NPAS1: variants seen among roughly 807,000 people sequenced by gnomAD.
The protein encoded by NPAS1 is neuronal PAS domain protein 1, also known as neuronal PAS domain-containing protein 1.
A neutral mutation model predicts 49.2 loss-of-function variants in NPAS1; 29 were observed. The ratio of observed to expected loss-of-function variants is 0.59; its 90% CI spans 0.44 to 0.80. The LOEUF (loss-of-function observed/expected upper bound fraction) is 0.80, where lower values mean the gene tolerates loss of function less well. Ranked by LOEUF, NPAS1 falls within the 30% of genes least tolerant of loss-of-function variation. NPAS1 has a pLI of 0.00. For missense variants in NPAS1, 825 were observed against 835.5 expected, an observed-to-expected ratio of 0.99 and a Z score of 0.15; for synonymous variants, 408 against 380.4, an observed-to-expected ratio of 1.07 and a Z score of -0.84.
intron 5 of NPAS1, among the ~76,000 whole-genome samples, chr19:47,034,945 G>T (rs1366631778): frequency 6.6e-6 from 1 of 151,920 alleles, no homozygotes; most frequent in African/African-American, 2.4e-5. Context: ...ACTTTGGGAG[G>T]CTGAGGCGGG....
chr19:47,044,652 T>C (rs2122565551), intron 11 of NPAS1, among the ~76,000 whole-genome samples: 1 of 152,316 alleles, frequency 6.6e-6, no homozygotes, highest in African/African-American at 2.4e-5. Context: ...ATCCCTGGCC[T>C]CTACCCTCTA....
intron 3 of NPAS1, among the ~76,000 whole-genome samples, chr19:47,027,703 C>CT (rs199499423): frequency 0.088 from 1,916 of 21,760 alleles, 719 homozygotes; most frequent in Admixed American, 0.15. Context: ...TGCCCCTGGT[C>CT]CCCTTCTCTC....
intron 6 of NPAS1, among the ~76,000 whole-genome samples, chr19:47,038,367 A>T (rs1241471730): frequency 2.0e-5 from 3 of 151,002 alleles, no homozygotes; most frequent in African/African-American, 7.3e-5. Flanking sequence ...AAATACAAAA[A>T]CTAGCTGGGC....
At chr19:47,040,109 A>G (rs775207714) in intron 8 of NPAS1, among the ~76,000 whole-genome samples, 24 of 151,618 alleles carry the variant, frequency 1.6e-4, no homozygotes, top group South Asian at 1.0e-3. Flanking sequence ...TGCAACCTCC[A>G]CCTCCCGGGT....
chr19:47,034,118 A>G (rs1181865999), intron 5 of NPAS1, among the ~76,000 whole-genome samples: 1 of 151,646 alleles, frequency 6.6e-6, no homozygotes, highest in Non-Finnish European at 1.5e-5. Context: ...CAGCCTGACC[A>G]ACATGGAGAA....
intron 10 of NPAS1, among the ~76,000 whole-genome samples, chr19:47,042,073 C>T (rs1204411268): frequency 6.0e-5 from 9 of 149,572 alleles, no homozygotes; most frequent in East Asian, 2.0e-4. Context: ...TTTGGGAGGC[C>T]GAGGTGGGTG....
Position 47,035,986 on chromosome 19 carries a change from T to C in NPAS1, c.545T>C (p.Val182Ala), listed in dbSNP as rs769466616. Residue 182 changes from valine to alanine, a missense_variant, in exon 6 of 12, where the codon GTC becomes GCC. Val to Ala is a moderately conservative substitution (Grantham distance 64). Transcript: ENST00000602212. ...LSQVEMTGSSVFDYIHPGDHS... is the reference protein window; with the variant it reads ...LSQVEMTGSSAFDYIHPGDHS... ...CAGGTGGAGATGACGGGCAGCAGCG[T>C]CTTCGACTACATTCACCCTGGGGAC... 2 of 1,539,136 alleles carry C rather than the reference T, an allele frequency of 1.3e-6. No individual in the cohort carries two copies. The highest frequency in any genetic ancestry group is 2.3e-5 in the East Asian group (1 of 43,660).
chr19:47,030,636 C>CTTTTTTTT (rs55931402), intron 3 of NPAS1, among the ~76,000 whole-genome samples: 3 of 96,794 alleles, frequency 3.1e-5, no homozygotes, highest in Non-Finnish European at 6.0e-5. Context: ...GGCCCTTTGC[C>CTTTTTTTT]TTTTTTTTTT....
At chr19:47,026,320 G>T (rs1037353493) in intron 3 of NPAS1, among the ~76,000 whole-genome samples, 1 of 152,236 alleles carries the variant, frequency 6.6e-6, no homozygotes, top group African/African-American at 2.4e-5. Flanking sequence ...ACTCAGCAGA[G>T]GGAACAGCAG....
At chr19:47,028,430 G>A (rs1033459899) in intron 3 of NPAS1, among the ~76,000 whole-genome samples, 5 of 152,084 alleles carry the variant, frequency 3.3e-5, no homozygotes, top group Admixed American at 2.0e-4. Flanking sequence ...CGGGGGCTGC[G>A]CGCCCATGGG....
At chr19:47,035,817 TTTTTG>T (rs751632502) in intron 5 of NPAS1, 142 bp from the exon 6 acceptor site, 16 of 763,484 alleles carry the variant, frequency 2.1e-5, no homozygotes, top group Non-Finnish European at 2.0e-6. Flanking sequence ...AGGTAATTGT[TTTTTG>T]TTTTTTTCTT....
chr19:47,033,824 T>C (rs1473402055), intron 5 of NPAS1, among the ~76,000 whole-genome samples: 1 of 129,852 alleles, frequency 7.7e-6, no homozygotes, highest in Admixed American at 8.0e-5. Flanking sequence ...CAAAAAAACT[T>C]AAAAATTAGC....
intron 3 of NPAS1, among the ~76,000 whole-genome samples, chr19:47,027,890 G>A (rs977537012): frequency 7.9e-5 from 12 of 152,170 alleles, no homozygotes; most frequent in Non-Finnish European, 1.5e-4. Flanking sequence ...TGCTGAATGT[G>A]GGGGACAGAG....
chr19:47,040,865 C>T, intron 9 of NPAS1, 113 bp from the exon 10 acceptor site: 2 of 883,504 alleles, frequency 2.3e-6, no homozygotes, highest in Non-Finnish European at 3.3e-6. Flanking sequence ...CCCACCGTCT[C>T]CCTGCCCACT....
At chr19:47,032,085 G>A (rs1047661963) in intron 3 of NPAS1, among the ~76,000 whole-genome samples, 193 bp from the exon 4 acceptor site, 25 of 152,126 alleles carry the variant, frequency 1.6e-4, no homozygotes, top group African/African-American at 6.0e-4. Flanking sequence ...GTCTCTGTGA[G>A]TCAGTCTGTC....
At chr19:47,030,851 G>T (rs1172268620) in intron 3 of NPAS1, among the ~76,000 whole-genome samples, 1 of 151,870 alleles carries the variant, frequency 6.6e-6, no homozygotes, top group Non-Finnish European at 1.5e-5. Context: ...CATAATGTTG[G>T]CTGGTCTCGA....
At chr19:47,045,146 G>C in intron 11 of NPAS1, 45 bp from the exon 12 acceptor site, 1 of 1,579,794 alleles carries the variant, frequency 6.3e-7, no homozygotes, top group East Asian at 2.3e-5. Context: ...TGGGAAGACT[G>C]AGGGCTGGGG....
chr19:47,020,804 C>T (rs968566660), intron 1 of NPAS1: 2 of 340,930 alleles, frequency 5.9e-6, no homozygotes, highest in African/African-American at 2.2e-5. Flanking sequence ...GAGGCGGCGG[C>T]GGGGCACGTC....
At chr19:47,043,278 C>CAAAAAAAAAAAAAA (rs1170715547) in intron 11 of NPAS1, among the ~76,000 whole-genome samples, 2 of 58,596 alleles carry the variant, frequency 3.4e-5, no homozygotes, top group Non-Finnish European at 6.1e-5. Context: ...GACTCTGTCT[C>CAAAAAAAAAAAAAA]AAAAAAAAAA....
Sources: gnomAD v4.1 joint callset for allele counts (sites outside exome capture counted in the v4.1 genomes callset) on GRCh38, gnomAD v4.1.1 for gene constraint, MANE v1.5 for transcripts, NCBI Gene and HGNC (gene_info 2026-07-23, HGNC 2026-07-21) for gene names.